Variants in RERE observed in about 807,000 individuals in gnomAD.
RERE encodes arginine-glutamic acid dipeptide repeats protein.
RERE carries 40 observed loss-of-function variants against 146.1 expected under a neutral mutation model. The ratio of observed to expected loss-of-function variants is 0.27; its 90% CI spans 0.21 to 0.36. The LOEUF (loss-of-function observed/expected upper bound fraction) is 0.36, where lower values mean the gene tolerates loss of function less well. Ranked by LOEUF, RERE falls within the 10% of genes least tolerant of loss-of-function variation. RERE has a pLI of 1.00. For synonymous variants in RERE, 1,003 were observed against 866.0 expected (o/e 1.16, Z -2.78); for missense variants, 1,933 against 2,138.7 (o/e 0.90, Z 1.90).
rs746781300 is a variant in RERE at position 8,360,237 on chromosome 1, G to C, written c.3270C>G (p.Thr1090=). ...CCAGAGCCTCCTCCTTGATCTGGAC[G>C]GTGGGGAGTGGGCAGGACGACCCCC... ...IAGGSSCPLP[T]VQIKEEALDD... The change falls in exon 18 of 23, where the codon ACC becomes ACG. Residue 1090 remains threonine, a synonymous_variant. Coordinates refer to ENST00000400908, the MANE Select transcript of RERE (RefSeq NM_001042681.2). The C allele has an allele frequency of 1.0e-5, 16 of 1,582,862 alleles. No individual in the cohort carries two copies. The highest frequency in any genetic ancestry group is 1.3e-5 in the Non-Finnish European group (15 of 1,165,706).
chr1:8,550,689 G>A (rs567411375), intron 6 of RERE, among the ~76,000 whole-genome samples: 8 of 152,268 alleles, frequency 5.3e-5, no homozygotes, highest in African/African-American at 1.9e-4. Context: ...TGGGACTACA[G>A]GCACCAGCCA....
At chr1:8,525,572 G>A (rs543028650) in intron 7 of RERE, among the ~76,000 whole-genome samples, 2 of 152,332 alleles carry the variant, frequency 1.3e-5, no homozygotes, top group African/African-American at 4.8e-5. Context: ...ATGCCTCTCC[G>A]GTAGTCCCCA....
chr1:8,364,217 G>T lies in RERE; in HGVS notation c.1579C>A (p.Leu527Met), dbSNP rs1256837751. 6.2e-7 allele frequency: 1 copy of T among 1,614,088 alleles called. No homozygotes were observed. The highest frequency in any genetic ancestry group is 2.2e-5 in the East Asian group (1 of 44,884). ...TGGATGCGACAGTCGGTGCAAAGCA[G>T]GATGTTCTCCCGGCCTCCGTGGTGC... is the stretch of plus-strand genomic sequence containing the variant. ...DWHHGGRENI[L>M]LCTDCRIHFK... Residue 527 changes from leucine (L) to methionine (M), a missense_variant, in exon 15 of 23, where the codon CTG becomes ATG. Leu to Met is a conservative substitution (Grantham distance 15, BLOSUM62 2). Transcript: ENST00000400908. The surrounding 1 kb of genome is among the most constrained non-coding windows in gnomAD (Gnocchi z 5.1).
intron 12 of RERE, among the ~76,000 whole-genome samples, chr1:8,371,962 T>G (rs145441014): frequency 1.3e-5 from 2 of 152,216 alleles, no homozygotes; most frequent in Non-Finnish European, 2.9e-5. Flanking sequence ...CAGGCCAACT[T>G]ACCTGTGCGC....
chr1:8,644,247 T>C (rs1048038647), intron 2 of RERE, among the ~76,000 whole-genome samples: 3 of 152,128 alleles, frequency 2.0e-5, no homozygotes, highest in East Asian at 3.8e-4. Flanking sequence ...CAATTCAAGG[T>C]AGACATACTA....
chr1:8,420,625 A>G (rs1265402759), intron 12 of RERE, among the ~76,000 whole-genome samples: 1 of 152,246 alleles, frequency 6.6e-6, no homozygotes, highest in African/African-American at 2.4e-5. Flanking sequence ...CAAGGACACT[A>G]TGAATATTTA....
chr1:8,739,018 A>G (rs1328612692), intron 1 of RERE, among the ~76,000 whole-genome samples: 1 of 152,208 alleles, frequency 6.6e-6, no homozygotes, highest in African/African-American at 2.4e-5. Context: ...TTCTAACAGA[A>G]CACTCTATGT....
chr1:8,566,717 G>C (rs1646157140), intron 4 of RERE, among the ~76,000 whole-genome samples: 1 of 152,094 alleles, frequency 6.6e-6, no homozygotes, highest in Non-Finnish European at 1.5e-5. Context: ...ATTTCCAAAT[G>C]GGTATACCTG....
chr1:8,651,198 G>C (rs1647612934), intron 2 of RERE, among the ~76,000 whole-genome samples: 1 of 152,072 alleles, frequency 6.6e-6, no homozygotes, highest in African/African-American at 2.4e-5. Flanking sequence ...AGGATCACTT[G>C]AGGCCAGGAG....
chr1:8,775,122 G>A (rs190921652), intron 1 of RERE, among the ~76,000 whole-genome samples: 110 of 151,486 alleles, frequency 7.3e-4, no homozygotes, highest in Non-Finnish European at 1.3e-3. Context: ...CACCACGCCC[G>A]GCTAATTTTT....
At chr1:8,693,593 G>A (rs1639256044) in intron 1 of RERE, among the ~76,000 whole-genome samples, 1 of 152,148 alleles carries the variant, frequency 6.6e-6, no homozygotes, top group African/African-American at 2.4e-5. Flanking sequence ...TGGGGGCAGA[G>A]AGGGAGGGAT....
rs375116302 is a variant in RERE, at chr1:8,361,219, G to A, written c.2288C>T (p.Thr763Met). The A allele has an allele frequency of 3.7e-5, 57 of 1,529,510 alleles. No individual in the cohort carries two copies. Among genetic ancestry groups the A allele is most frequent in the Middle Eastern group, 1.8e-4 (1 of 5,490 alleles). 94.7% of individuals were successfully genotyped at this position (1,529,510 alleles called of 1,614,324 possible). ...SAPPGTPQLP[T>M]PGPTPSATAV... ...AGTGGCAGAGGGCGTGGGCCCTGGC[G>A]TGGGCAGCTGAGGGGTCCCTGGAGG... The change falls in exon 18 of 23, where the codon ACG becomes ATG. Residue 763 changes from threonine (T) to methionine (M), a missense_variant. Coordinates refer to ENST00000400908, the MANE Select transcript of RERE (RefSeq NM_001042681.2).
intron 4 of RERE, among the ~76,000 whole-genome samples, chr1:8,564,870 G>GTATA (rs61426432): frequency 0.023 from 2,867 of 127,332 alleles, 58 homozygotes; most frequent in Middle Eastern, 0.074. Context: ...GTGTGTGTGT[G>GTATA]TATATATATA....
chr1:8,580,636 A>G (rs1053837890), intron 4 of RERE, among the ~76,000 whole-genome samples: 2 of 152,204 alleles, frequency 1.3e-5, no homozygotes, highest in African/African-American at 4.8e-5. Context: ...AAACAGTTCT[A>G]TCACTCCAGA....
intron 1 of RERE, among the ~76,000 whole-genome samples, chr1:8,677,219 C>T (rs1638859385): frequency 6.6e-6 from 1 of 152,116 alleles, no homozygotes; most frequent in Non-Finnish European, 1.5e-5. Context: ...CCCCTGAGAT[C>T]AGGAGTTCGA....
At chr1:8,630,277 T>C (rs1647019775) in intron 2 of RERE, among the ~76,000 whole-genome samples, 1 of 152,124 alleles carries the variant, frequency 6.6e-6, no homozygotes, top group Non-Finnish European at 1.5e-5. Context: ...CTCCCAGTTC[T>C]AGTCTCCCAA....
At chr1:8,392,575 C>T (rs1642918443) in intron 12 of RERE, among the ~76,000 whole-genome samples, 1 of 152,194 alleles carries the variant, frequency 6.6e-6, no homozygotes, top group Non-Finnish European at 1.5e-5. Flanking sequence ...ACTTTGAACA[C>T]AGCCAGTATC....
At chr1:8,450,136 G>A (rs975254656) in intron 11 of RERE, among the ~76,000 whole-genome samples, 3 of 152,114 alleles carry the variant, frequency 2.0e-5, no homozygotes, top group Non-Finnish European at 2.9e-5. Flanking sequence ...TACACAGTCA[G>A]TACTCATTGT....
chr1:8,551,023 C>T (rs758375608), intron 6 of RERE, among the ~76,000 whole-genome samples: 4 of 152,170 alleles, frequency 2.6e-5, no homozygotes, highest in Non-Finnish European at 4.4e-5. Context: ...TAATTTAGGG[C>T]TCCTTGGCCC....
Sources: gnomAD v4.1 joint callset for allele counts (sites outside exome capture counted in the v4.1 genomes callset) on GRCh38, gnomAD v4.1.1 for gene constraint, Gnocchi (gnomAD v3.1) non-coding constraint, MANE v1.5 for transcripts, NCBI Gene and HGNC (gene_info 2026-07-23, HGNC 2026-07-21) for gene names.